SLC9A7: variants seen among roughly 807,000 people sequenced by gnomAD.
The protein encoded by SLC9A7 is sodium/hydrogen exchanger 7.
In SLC9A7, 19 loss-of-function variants were observed where a neutral mutation model predicts 52.6. That is an observed-to-expected ratio of 0.36 (90% confidence interval 0.25 to 0.53). SLC9A7 has a LOEUF of 0.53. SLC9A7 is among the 20% of genes least tolerant of loss of function. The pLI is 0.91. For synonymous variants in SLC9A7, 226 were observed against 252.1 expected (o/e 0.90, Z 0.98); for missense variants, 455 against 597.9 (o/e 0.76, Z 2.49).
intron 15 of SLC9A7, among the ~76,000 whole-genome samples, chrX:46,620,109 A>C (rs997234331): frequency 8.9e-6 from 1 of 112,282 alleles, no homozygotes; most frequent in Non-Finnish European, 1.9e-5. Context: ...TGCCCATTTG[A>C]TGACTATGTC....
At chrX:46,730,054 C>T (rs5905562) in intron 1 of SLC9A7, among the ~76,000 whole-genome samples, 42,889 of 109,919 alleles carry the variant, frequency 0.39, 7,561 homozygotes, top group Non-Finnish European at 0.55. Flanking sequence ...TCATGCTCAG[C>T]CTGCCTTCAC....
intron 2 of SLC9A7, 21 bp from the exon 3 acceptor site, chrX:46,679,776 A>G: frequency 9.4e-7 from 1 of 1,068,796 alleles, no homozygotes. Context: ...AAAAAGAAAA[A>G]AAAGCCAATT....
At chrX:46,658,973 A>T (rs981938883) in intron 7 of SLC9A7, among the ~76,000 whole-genome samples, 6 of 111,720 alleles carry the variant, frequency 5.4e-5, no homozygotes, top group Non-Finnish European at 9.4e-5. Flanking sequence ...AAAAATCCTC[A>T]GCAAAATACT....
intron 1 of SLC9A7, among the ~76,000 whole-genome samples, chrX:46,695,532 T>C (rs185165719): frequency 5.3e-5 from 6 of 112,348 alleles, no homozygotes; most frequent in African/African-American, 1.9e-4. Flanking sequence ...CTATTATTTT[T>C]TCCAATGGGA....
At chrX:46,624,793 C>A (rs1943098508) in intron 14 of SLC9A7, among the ~76,000 whole-genome samples, 1 of 112,391 alleles carries the variant, frequency 8.9e-6, no homozygotes, top group African/African-American at 3.2e-5. Flanking sequence ...CATCTTTTTA[C>A]TGCCATTATT....
chrX:46,730,670 T>TTATATATATACATATATATATA (rs1945017084), intron 1 of SLC9A7, among the ~76,000 whole-genome samples: 1 of 42,928 alleles, frequency 2.3e-5, no homozygotes, highest in African/African-American at 6.5e-5. Context: ...AAAAAAAAAA[T>TTATATATATACATATATATATA]TATATATATA....
At chrX:46,614,209 A>C (rs1308278616) in intron 15 of SLC9A7, among the ~76,000 whole-genome samples, 1 of 111,826 alleles carries the variant, frequency 8.9e-6, no homozygotes, top group Non-Finnish European at 1.9e-5. Context: ...AAAATATCAT[A>C]AGCCAAAAAT....
chrX:46,673,220 T>C (rs1231434508), intron 3 of SLC9A7, among the ~76,000 whole-genome samples: 2 of 111,540 alleles, frequency 1.8e-5, no homozygotes, highest in African/African-American at 6.5e-5. Context: ...GAGAAACAGA[T>C]AGTTCCATTT....
chrX:46,636,927 T>C (rs150774545), intron 12 of SLC9A7, among the ~76,000 whole-genome samples: 79 of 112,281 alleles, frequency 7.0e-4, no homozygotes, highest in Non-Finnish European at 1.2e-3. Context: ...GTTCAGAATG[T>C]GACTTAAATC....
At chrX:46,653,942 T>C (rs1943627133) in intron 7 of SLC9A7, among the ~76,000 whole-genome samples, 1 of 110,973 alleles carries the variant, frequency 9.0e-6, no homozygotes. Context: ...CAGGGAGACA[T>C]TGTTTAATGG....
At chrX:46,736,202 A>T (rs1945119112) in intron 1 of SLC9A7, among the ~76,000 whole-genome samples, 1 of 111,637 alleles carries the variant, frequency 9.0e-6, no homozygotes, top group South Asian at 3.7e-4. Context: ...TTGCCTTCCA[A>T]TATCTTTAAG....
At chrX:46,671,715 T>G (rs1404591727) in intron 4 of SLC9A7, among the ~76,000 whole-genome samples, 3 of 111,974 alleles carry the variant, frequency 2.7e-5, no homozygotes, top group African/African-American at 9.7e-5. Flanking sequence ...ACCAGAGAGG[T>G]AGAGTATCCT....
chrX:46,717,942 AC>A (rs1245950949), intron 1 of SLC9A7, among the ~76,000 whole-genome samples: 1 of 111,724 alleles, frequency 9.0e-6, no homozygotes, highest in East Asian at 2.8e-4. Context: ...ATTGGAAAAA[AC>A]TACTTTAAAG....
rs777028533 is a variant in SLC9A7 at position 46,602,650 on chromosome X, G to A, written c.*4302C>T. The A allele has an allele frequency of 2.0e-4, 22 of 112,610 alleles. No homozygotes were observed. Among genetic ancestry groups the A allele is most frequent in the South Asian group, 3.7e-4 (1 of 2,717 alleles). The allele number at this position is 112,610 out of a possible 1,213,427, so 9.3% of individuals were successfully genotyped here. A position where few individuals can be genotyped will look rare whatever the true frequency, so the allele number is the denominator to read the frequency against. On this transcript the variant is annotated 3_prime_UTR_variant, in exon 17 of 17. Coordinates refer to ENST00000616978, the MANE Select transcript of SLC9A7 (RefSeq NM_001257291.2). Reference sequence around the variant, plus strand: ...GAACATCGGACTCGGCTGAACTGTCGTCCCCACCAACCCAGAACAAATACG... The same window carrying A: ...GAACATCGGACTCGGCTGAACTGTCATCCCCACCAACCCAGAACAAATACG...
chrX:46,670,055 T>G (rs1943994232), intron 4 of SLC9A7, among the ~76,000 whole-genome samples: 1 of 111,811 alleles, frequency 8.9e-6, no homozygotes, highest in Admixed American at 9.5e-5. Context: ...AGACAGAACC[T>G]GGCATAATGT....
In SLC9A7 at chrX:46,601,838, C is replaced by G. The variant is rs1250727403; in HGVS notation, c.*5114G>C. 8.9e-6 allele frequency: 1 copy of G among 112,131 alleles called. No individual in the cohort carries two copies. The highest frequency in any genetic ancestry group is 1.9e-5 in the Non-Finnish European group (1 of 53,244). 9.2% of individuals were successfully genotyped at this position (112,131 alleles called of 1,213,427 possible). On this transcript the variant is annotated 3_prime_UTR_variant, in exon 17 of 17. Transcript: ENST00000616978. ...AGCTTTCATCTTCTCTCTGTCAGGGCTATACAAAAGTGTGCATCTCCTTAA... is the reference window on the plus strand; with the variant it reads ...AGCTTTCATCTTCTCTCTGTCAGGGGTATACAAAAGTGTGCATCTCCTTAA...
At chrX:46,627,689 T>C (rs982705179) in intron 14 of SLC9A7, among the ~76,000 whole-genome samples, 1 of 107,004 alleles carries the variant, frequency 9.3e-6, no homozygotes, top group African/African-American at 3.4e-5. Flanking sequence ...TGATCTTGAC[T>C]CTGAGTTTTT....
intron 5 of SLC9A7, 43 bp downstream of exon 5, chrX:46,669,564 T>C (rs1181386285): frequency 1.4e-6 from 1 of 707,108 alleles, no homozygotes; most frequent in South Asian, 2.9e-5. Flanking sequence ...ATTTAAATAA[T>C]GGAATATCAT....
At position 46,711,044 on chromosome X, in the gene SLC9A7, C is replaced by T. The variant is rs138790367; in HGVS notation, c.326-28509G>A. Among the ~76,000 whole-genome samples, 481 of 113,005 alleles carry T rather than the reference C, an allele frequency of 4.3e-3. 3 individuals are homozygous for T. The highest frequency in any genetic ancestry group is 9.2e-3 in the Middle Eastern group (2 of 217). ...AAGAGACAGTCACCCAGGCTGCTGA[C>T]GATTTCAGCTTTTGAGCCAGCAATG... On this transcript the variant is annotated intron_variant, in intron 1 of 16. Transcript: ENST00000616978.
Sources: gnomAD v4.1 joint callset for allele counts (sites outside exome capture counted in the v4.1 genomes callset) on GRCh38, gnomAD v4.1.1 for gene constraint, MANE v1.5 for transcripts, NCBI Gene and HGNC (gene_info 2026-07-23, HGNC 2026-07-21) for gene names.